DIP2B: variants seen among roughly 807,000 people sequenced by gnomAD.
DIP2B encodes DIP2 acetate--CoA ligase B (putative), also known as disco-interacting protein 2 homolog B.
Under a neutral mutation model 198.0 loss-of-function variants are expected in DIP2B, and 76 were observed. The ratio of observed to expected loss-of-function variants is 0.38; its 90% CI spans 0.32 to 0.46. The LOEUF (loss-of-function observed/expected upper bound fraction) is 0.46, where lower values mean the gene tolerates loss of function less well. DIP2B is among the 20% of genes least tolerant of loss of function. The pLI is 0.99. For missense variants in DIP2B, 1,559 were observed against 1,978.4 expected (o/e 0.79, Z 4.02); for synonymous variants, 701 against 739.1 (o/e 0.95, Z 0.84).
At chr12:50,650,017 T>C (rs1938426071) in intron 3 of DIP2B, among the ~76,000 whole-genome samples, 1 of 152,122 alleles carries the variant, frequency 6.6e-6, no homozygotes, top group Non-Finnish European at 1.5e-5. Flanking sequence ...GAGACCAGCC[T>C]GGCCAACATG....
At position 50,740,996 on chromosome 12, in the gene DIP2B, C is replaced by T. The variant is rs12317005; in HGVS notation, c.4355-420C>T. Among the ~76,000 whole-genome samples, 1,268 of 152,270 alleles carry T rather than the reference C, an allele frequency of 8.3e-3. 12 individuals carry two copies. The highest frequency in any genetic ancestry group is 0.03 in the African/African-American group (1,229 of 41,532). ...CTCCGAACCTCATGCACACTCCTGT[C>T]GCTGGGCTTGTTACATTACAACGGA... On this transcript the variant is annotated intron_variant, in intron 36 of 37. Coordinates refer to ENST00000301180, the MANE Select transcript of DIP2B (RefSeq NM_173602.3).
chr12:50,548,935 G>A (rs7953880), intron 1 of DIP2B, among the ~76,000 whole-genome samples: 9,887 of 152,242 alleles, frequency 0.065, 771 homozygotes, highest in East Asian at 0.38. Flanking sequence ...AAAATGTGCA[G>A]TTTTCTAGTG....
intron 1 of DIP2B, among the ~76,000 whole-genome samples, chr12:50,590,018 G>C (rs1016675617): frequency 6.6e-6 from 1 of 151,796 alleles, no homozygotes; most frequent in East Asian, 1.9e-4. Flanking sequence ...GTCTCTCTCT[G>C]AGATAGTATC....
At chr12:50,652,365 A>G (rs998968328) in intron 3 of DIP2B, among the ~76,000 whole-genome samples, 28 of 148,876 alleles carry the variant, frequency 1.9e-4, no homozygotes, top group African/African-American at 6.6e-4. Flanking sequence ...ACACACACAC[A>G]CACACGCACA....
At chr12:50,716,565 C>T (rs1401854800) in intron 23 of DIP2B, among the ~76,000 whole-genome samples, 1 of 151,926 alleles carries the variant, frequency 6.6e-6, no homozygotes, top group Non-Finnish European at 1.5e-5. Context: ...AAAAAGTTGC[C>T]ACATGGTACA....
chr12:50,732,770 C>T (rs1184529507), intron 32 of DIP2B, among the ~76,000 whole-genome samples: 1 of 152,338 alleles, frequency 6.6e-6, no homozygotes, highest in South Asian at 2.1e-4. Context: ...GCTGCCAACT[C>T]GGAGTTCTTG....
intron 1 of DIP2B, among the ~76,000 whole-genome samples, chr12:50,565,184 A>G (rs1376694226): frequency 1.3e-5 from 2 of 151,508 alleles, no homozygotes; most frequent in Non-Finnish European, 2.9e-5. Context: ...TTTTGTGGAG[A>G]TGAGATCTCG....
intron 3 of DIP2B, among the ~76,000 whole-genome samples, chr12:50,651,380 G>T (rs1938449962): frequency 6.6e-6 from 1 of 152,158 alleles, no homozygotes; most frequent in South Asian, 2.1e-4. Context: ...TGGTTTTGCT[G>T]TCGCGTTCAA....
At chr12:50,741,628 C>G in intron 37 of DIP2B, 89 bp downstream of exon 37, 1 of 1,478,742 alleles carries the variant, frequency 6.8e-7, no homozygotes, top group Non-Finnish European at 9.1e-7. Context: ...GGACCACATA[C>G]CTACCTTGAA....
chr12:50,672,726 A>ACCTATAAT (rs1938876091), intron 5 of DIP2B, among the ~76,000 whole-genome samples: 1 of 152,160 alleles, frequency 6.6e-6, no homozygotes, highest in Non-Finnish European at 1.5e-5. Context: ...AAGTAAAATA[A>ACCTATAAT]CCTATAATCC....
At chr12:50,611,338 T>C (rs997745757) in intron 1 of DIP2B, among the ~76,000 whole-genome samples, 2 of 152,196 alleles carry the variant, frequency 1.3e-5, no homozygotes, top group African/African-American at 4.8e-5. Context: ...CTGGACAGCT[T>C]TCTGTTACAA....
intron 1 of DIP2B, among the ~76,000 whole-genome samples, chr12:50,573,394 T>C (rs1178213157): frequency 6.6e-6 from 1 of 152,238 alleles, no homozygotes; most frequent in East Asian, 1.9e-4. Flanking sequence ...GCCTTGCCAT[T>C]CCAAATTCTG....
chr12:50,594,505 G>A (rs753697768), intron 1 of DIP2B, among the ~76,000 whole-genome samples: 1 of 152,084 alleles, frequency 6.6e-6, no homozygotes, highest in East Asian at 1.9e-4. Flanking sequence ...CTGATGTTTC[G>A]GTTCAGTTTA....
intron 37 of DIP2B, among the ~76,000 whole-genome samples, chr12:50,743,923 G>A (rs1487568086): frequency 2.0e-5 from 3 of 152,198 alleles, no homozygotes; most frequent in Non-Finnish European, 2.9e-5. Context: ...TCGCCTCCCT[G>A]AAGAGGGATT....
In DIP2B at chr12:50,741,687, G is replaced by A. The variant is rs1940247107; in HGVS notation, c.4478+148G>A. ...AAGGAAATAGACTGATTCTTGTCTT[G>A]GGTGTGCAATCTGCTGTGGCCAACA... is the stretch of plus-strand genomic sequence containing the variant. On this transcript the variant is annotated intron_variant, in intron 37 of 37. Transcript: ENST00000301180. The A allele has an allele frequency of 2.6e-6, 3 of 1,167,972 alleles. No homozygotes were observed. The African/African-American group carries it at 4.6e-5, about 18-fold the overall frequency. The allele number at this position is 1,167,972 out of a possible 1,614,324, so 72.4% of individuals were successfully genotyped here.
intron 2 of DIP2B, among the ~76,000 whole-genome samples, chr12:50,632,496 A>G (rs1434239534): frequency 1.4e-5 from 2 of 141,312 alleles, no homozygotes; most frequent in Non-Finnish European, 3.1e-5. Flanking sequence ...AAAAAAAAAA[A>G]GGTAACATTC....
chr12:50,557,312 A>G lies in DIP2B; in HGVS notation c.100+52072A>G, dbSNP rs143757713. ...GTGTGCCCCACACACCTTGCCTTCC[A>G]TAGATGGTCCAGGCTGTGGTCTGGT... On this transcript the variant is annotated intron_variant, in intron 1 of 37. Coordinates refer to ENST00000301180, the MANE Select transcript of DIP2B (RefSeq NM_173602.3). Among the ~76,000 whole-genome samples the G allele has an allele frequency of 1.2e-3, 189 of 152,314 alleles. 6 individuals are homozygous for G. The East Asian group carries it at 0.032, about 26-fold the overall frequency.
chr12:50,511,904 C>T (rs745379119), intron 1 of DIP2B, among the ~76,000 whole-genome samples: 26 of 133,062 alleles, frequency 2.0e-4, no homozygotes, highest in Non-Finnish European at 3.1e-4. Context: ...GCCGAGATCG[C>T]GTCACTGCAC....
At position 50,717,968 on chromosome 12, in the gene DIP2B, C is replaced by T. The variant is rs934218958; in HGVS notation, c.2852-741C>T. On this transcript the variant is annotated intron_variant, in intron 23 of 37. Coordinates refer to ENST00000301180, the MANE Select transcript of DIP2B (RefSeq NM_173602.3). ...ATACTGGAGTGCAGTGGCACGATTTCGGCTCACTGCAACCTCCACCTCCTG... is the reference window on the plus strand; with the variant it reads ...ATACTGGAGTGCAGTGGCACGATTTTGGCTCACTGCAACCTCCACCTCCTG... 4.3e-4 allele frequency among the ~76,000 whole-genome samples: 51 copies of T among 118,928 alleles called. 1 individual carries two copies. The highest frequency in any genetic ancestry group is 3.6e-4 in the Admixed American group (3 of 8,278). 78.0% of individuals were successfully genotyped at this position (118,928 alleles called of 152,430 possible). A position where few individuals can be genotyped will look rare whatever the true frequency, so the allele number is the denominator to read the frequency against.
Sources: allele counts gnomAD v4.1 joint callset (sites outside exome capture counted in the v4.1 genomes callset), GRCh38; gene constraint gnomAD v4.1.1; transcripts MANE v1.5; gene names NCBI Gene and HGNC (gene_info 2026-07-23, HGNC 2026-07-21).